The following LRFN2 variants were observed in gnomAD, a reference collection of about 807,000 sequenced individuals.
LRFN2 encodes the protein leucine rich repeat and fibronectin type III domain containing 2, also known as leucine-rich repeat and fibronectin type-III domain-containing protein 2.
LRFN2 carries 18 observed loss-of-function variants against 37.3 expected under a neutral mutation model. That is an observed-to-expected ratio of 0.48 (90% CI 0.33 to 0.72). The LOEUF is 0.72. LRFN2 is among the 30% of genes least tolerant of loss of function. The probability of loss-of-function intolerance (pLI) is 0.02; values close to 1 mark genes in which losing one functional copy is unlikely to be tolerated. For synonymous variants in LRFN2, 556 were observed against 466.6 expected, an observed-to-expected ratio of 1.19 and a Z score of -2.47; for missense variants, 1,006 against 1,060.7, an observed-to-expected ratio of 0.95 and a Z score of 0.72.
At chr6:40,552,719 G>A (rs753880449) in intron 1 of LRFN2, among the ~76,000 whole-genome samples, 2 of 151,910 alleles carry the variant, frequency 1.3e-5, no homozygotes, top group Non-Finnish European at 2.9e-5. Context: ...ATCATTAAAA[G>A]ATTTTTAGAA....
chr6:40,551,497 C>G (rs1048188698), intron 1 of LRFN2, among the ~76,000 whole-genome samples: 1 of 152,206 alleles, frequency 6.6e-6, no homozygotes, highest in Admixed American at 6.5e-5. Context: ...TACCCTTGAT[C>G]GTTTCAACTA....
At chr6:40,517,780 T>C (rs1765926153) in intron 1 of LRFN2, among the ~76,000 whole-genome samples, 1 of 152,152 alleles carries the variant, frequency 6.6e-6, no homozygotes, top group African/African-American at 2.4e-5. Context: ...GATGGCATAG[T>C]GTGTACGTGG....
At chr6:40,571,444 G>A (rs184487082) in intron 1 of LRFN2, among the ~76,000 whole-genome samples, 1 of 152,300 alleles carries the variant, frequency 6.6e-6, no homozygotes, top group East Asian at 1.9e-4. Context: ...GGAAAGCAGT[G>A]TTGGACTGCA....
chr6:40,530,909 C>T (rs373647448), intron 1 of LRFN2, among the ~76,000 whole-genome samples: 1 of 152,168 alleles, frequency 6.6e-6, no homozygotes, highest in South Asian at 2.1e-4. Context: ...TAACTGTCAA[C>T]ACTGTTTGCC....
chr6:40,508,583 G>A (rs1312049479), intron 1 of LRFN2, among the ~76,000 whole-genome samples: 1 of 152,116 alleles, frequency 6.6e-6, no homozygotes, highest in Non-Finnish European at 1.5e-5. Flanking sequence ...CATACTAGTG[G>A]GTCACCTCGA....
chr6:40,491,677 C>T (rs572642566), intron 1 of LRFN2, among the ~76,000 whole-genome samples: 9 of 145,110 alleles, frequency 6.2e-5, no homozygotes, highest in African/African-American at 2.3e-4. Context: ...GGTAGGTAGG[C>T]AGCTTACCCT....
At chr6:40,446,180 C>A (rs930212472) in intron 1 of LRFN2, among the ~76,000 whole-genome samples, 1 of 152,198 alleles carries the variant, frequency 6.6e-6, no homozygotes, top group African/African-American at 2.4e-5. Flanking sequence ...GACTAGGGAG[C>A]AATAATCAAA....
intron 1 of LRFN2, among the ~76,000 whole-genome samples, chr6:40,581,709 A>G (rs941409303): frequency 1.3e-5 from 2 of 152,200 alleles, no homozygotes; most frequent in Non-Finnish European, 2.9e-5. Flanking sequence ...AGGTTCCAGG[A>G]GCTCAGAAAG....
intron 2 of LRFN2, among the ~76,000 whole-genome samples, chr6:40,411,730 T>G (rs907772160): frequency 1.2e-4 from 18 of 151,924 alleles, no homozygotes; most frequent in Admixed American, 3.9e-4. Context: ...AAATCCCACC[T>G]TCTCGGTGAG....
At chr6:40,463,952 G>T (rs1764403001) in intron 1 of LRFN2, among the ~76,000 whole-genome samples, 1 of 152,080 alleles carries the variant, frequency 6.6e-6, no homozygotes, top group African/African-American at 2.4e-5. Context: ...ATTTGCTCAT[G>T]CCTCCTTTCC....
intron 2 of LRFN2, among the ~76,000 whole-genome samples, chr6:40,413,102 C>T (rs1293958556): frequency 4.6e-5 from 7 of 152,194 alleles, no homozygotes; most frequent in Admixed American, 4.6e-4. Flanking sequence ...CCCCATGCCA[C>T]CCAGTGGGTG....
At chr6:40,495,364 A>G (rs139028666) in intron 1 of LRFN2, among the ~76,000 whole-genome samples, 88 of 152,304 alleles carry the variant, frequency 5.8e-4, no homozygotes, top group African/African-American at 1.8e-3. Flanking sequence ...ATCCTTTGAC[A>G]CCATGTTGGC....
chr6:40,508,834 C>T (rs1317893958), intron 1 of LRFN2, among the ~76,000 whole-genome samples: 1 of 152,206 alleles, frequency 6.6e-6, no homozygotes, highest in Non-Finnish European at 1.5e-5. Context: ...ACTCAACACA[C>T]TGTCTTAGCA....
At chr6:40,477,937 G>C (rs1478884233) in intron 1 of LRFN2, among the ~76,000 whole-genome samples, 1 of 152,316 alleles carries the variant, frequency 6.6e-6, no homozygotes, top group African/African-American at 2.4e-5. Context: ...ATGCACACCG[G>C]ATGTAACACA....
intron 1 of LRFN2, 60 bp from the exon 2 acceptor site, chr6:40,433,191 A>C: frequency 5.7e-6 from 8 of 1,406,730 alleles, no homozygotes; most frequent in Non-Finnish European, 7.6e-6. Flanking sequence ...ACTCACCCAG[A>C]GCTTCCTCCC....
At chr6:40,431,656 C>A in intron 2 of LRFN2, 58 bp downstream of exon 2, 1 of 1,440,414 alleles carries the variant, frequency 6.9e-7, no homozygotes. Flanking sequence ...ACCTCCCCAT[C>A]CCCTCCTCCT....
At position 40,433,066 on chromosome 6, in the gene LRFN2, G is replaced by A. The variant is rs370059282; in HGVS notation, c.48C>T (p.Ala16=). 29 of 1,542,858 alleles carry A rather than the reference G, an allele frequency of 1.9e-5. No homozygotes were observed. Among genetic ancestry groups the A allele is most frequent in the South Asian group, 2.5e-5 (2 of 78,680 alleles). Residue 16 remains alanine, a synonymous_variant, in exon 2 of 3, where the codon GCC becomes GCT. Transcript: ENST00000338305. ...AGTACTTGGGGCAGGCGTCGACCAC[G>A]GCAAACGCCATGCCAAACGCTAGCA... ...GGLLAFGMAF[A]VVDACPKYCV...
chr6:40,461,588 C>G (rs960067111), intron 1 of LRFN2, among the ~76,000 whole-genome samples: 2 of 129,664 alleles, frequency 1.5e-5, no homozygotes, highest in African/African-American at 3.0e-5. Context: ...CTCCCCCCGA[C>G]AAAAAAAAAA....
At chr6:40,472,375 C>T (rs1764618821) in intron 1 of LRFN2, among the ~76,000 whole-genome samples, 1 of 152,246 alleles carries the variant, frequency 6.6e-6, no homozygotes, top group South Asian at 2.1e-4. Context: ...GAACTTCTCA[C>T]TTTTCTGTAG....
Sources: allele counts gnomAD v4.1 joint callset (sites outside exome capture counted in the v4.1 genomes callset), GRCh38; gene constraint gnomAD v4.1.1; transcripts MANE v1.5; gene names NCBI Gene and HGNC (gene_info 2026-07-23, HGNC 2026-07-21).